The following KLHL28 variants were observed in gnomAD, a reference collection of about 807,000 sequenced individuals.
The protein encoded by KLHL28 is kelch like family member 28, also known as kelch-like protein 28.
Under a neutral mutation model 48.3 loss-of-function variants are expected in KLHL28, and 22 were observed. The observed-to-expected ratio is 0.46, with a 90% CI of 0.33 to 0.65. KLHL28 has a LOEUF of 0.65. KLHL28 is among the 30% of genes least tolerant of loss of function. The pLI is 0.03. For synonymous variants in KLHL28, 243 were observed against 242.4 expected (o/e 1.00, Z -0.02); for missense variants, 527 against 704.3 (o/e 0.75, Z 2.85).
In KLHL28 at chr14:44,928,976, G is replaced by A; in HGVS notation, c.*52C>T. On this transcript the variant is annotated 3_prime_UTR_variant, in exon 5 of 5. Transcript: ENST00000396128. ...TTTCAGAAAACTGGGCCATCCGGATGTTCATGCAGTACAAGTTTCACCACC... is the reference window on the plus strand; with the variant it reads ...TTTCAGAAAACTGGGCCATCCGGATATTCATGCAGTACAAGTTTCACCACC... The A allele has an allele frequency of 5.2e-6, 8 of 1,553,358 alleles. No individual in the cohort carries two copies. The South Asian group carries it at 8.0e-5, about 16-fold the overall frequency.
chr14:44,948,998 A>C (rs1178286527), intron 1 of KLHL28, among the ~76,000 whole-genome samples: 1 of 152,144 alleles, frequency 6.6e-6, no homozygotes, highest in East Asian at 1.9e-4. Context: ...TGAACAACAG[A>C]AAAGGAAAAT....
At chr14:44,961,498 A>C (rs1031956274) in intron 1 of KLHL28, 1 of 152,200 alleles carries the variant, frequency 6.6e-6, no homozygotes, top group African/African-American at 2.4e-5. Context: ...AAAACAAAAA[A>C]AAATTAACCC....
At chr14:44,948,773 C>T (rs1233868003) in intron 1 of KLHL28, among the ~76,000 whole-genome samples, 1 of 152,186 alleles carries the variant, frequency 6.6e-6, no homozygotes, top group Non-Finnish European at 1.5e-5. Context: ...TAGATTTTGT[C>T]TATAACCTTT....
rs547159815 is a variant in KLHL28, at chr14:44,932,257, T to TG, written c.1344-717dup. 7.3e-4 allele frequency among the ~76,000 whole-genome samples: 59 copies of TG among 80,668 alleles called. 3 individuals carry two copies. The highest frequency in any genetic ancestry group is 2.5e-3 in the African/African-American group (51 of 20,310). 52.9% of individuals were successfully genotyped at this position (80,668 alleles called of 152,430 possible). A position where few individuals can be genotyped will look rare whatever the true frequency, so the allele number is the denominator to read the frequency against. On this transcript the variant is annotated intron_variant, in intron 3 of 4. Transcript: ENST00000396128. ...AGAAGAGGAAGAGAGGGGTGGGGGG[T>TG]GGGGAGAAAAACCTTTATTTTTTTT...
chr14:44,953,436 A>T (rs1260865253), intron 1 of KLHL28, among the ~76,000 whole-genome samples: 2 of 152,254 alleles, frequency 1.3e-5, no homozygotes, highest in Non-Finnish European at 2.9e-5. Context: ...GGTAACTGGC[A>T]GAGTCCTTAT....
At chr14:44,952,628 G>A (rs774140753) in intron 1 of KLHL28, among the ~76,000 whole-genome samples, 3 of 152,104 alleles carry the variant, frequency 2.0e-5, no homozygotes, top group Non-Finnish European at 2.9e-5. Context: ...CAAACTCCTA[G>A]GCTCAAGTGA....
intron 2 of KLHL28, among the ~76,000 whole-genome samples, chr14:44,935,409 T>C (rs1355673574): frequency 2.0e-5 from 3 of 152,182 alleles, no homozygotes; most frequent in Non-Finnish European, 4.4e-5. Flanking sequence ...ATTTGGGATT[T>C]GTACATTTTT....
At chr14:44,938,403 G>C (rs965223750) in intron 2 of KLHL28, among the ~76,000 whole-genome samples, 3 of 151,370 alleles carry the variant, frequency 2.0e-5, no homozygotes, top group Non-Finnish European at 4.4e-5. Context: ...ACTGAGTCTC[G>C]CTCTATCGCC....
chr14:44,939,239 C>G (rs1883970512), intron 2 of KLHL28, among the ~76,000 whole-genome samples: 1 of 152,112 alleles, frequency 6.6e-6, no homozygotes, highest in Non-Finnish European at 1.5e-5. Flanking sequence ...GCTGATTCCC[C>G]CAAACCATTC....
rs1384906520 is a variant in KLHL28, at chr14:44,961,905, T to G, written c.-60A>C. The G allele has an allele frequency of 1.3e-5, 2 of 153,044 alleles. No individual in the cohort carries two copies. The highest frequency in any genetic ancestry group is 2.4e-5 in the African/African-American group (1 of 41,472). 9.5% of individuals were successfully genotyped at this position (153,044 alleles called of 1,614,324 possible). Reference sequence around the variant, plus strand: ...GGAGGAACCGCGGACAACTGGAGCCTGGGCTGGATCCTCACTAGCTCCGGT... The same window carrying G: ...GGAGGAACCGCGGACAACTGGAGCCGGGGCTGGATCCTCACTAGCTCCGGT... On this transcript the variant is annotated 5_prime_UTR_variant, in exon 1 of 5. Transcript: ENST00000396128.
intron 2 of KLHL28, among the ~76,000 whole-genome samples, chr14:44,935,341 A>G (rs981102853): frequency 1.3e-5 from 2 of 152,008 alleles, no homozygotes; most frequent in Admixed American, 1.3e-4. Context: ...TGTTGGTCAT[A>G]CTCTGTTTCT....
intron 3 of KLHL28, 35 bp from the exon 4 acceptor site, chr14:44,931,576 C>T: frequency 2.0e-6 from 3 of 1,525,398 alleles, no homozygotes; most frequent in Non-Finnish European, 2.7e-6. Flanking sequence ...ATTTACAGAT[C>T]TTTTGTGTCA....
intron 2 of KLHL28, 61 bp from the exon 3 acceptor site, chr14:44,934,619 A>G: frequency 7.9e-7 from 1 of 1,260,224 alleles, no homozygotes; most frequent in Non-Finnish European, 1.1e-6. Flanking sequence ...AAAGACAGAT[A>G]TGTTTAATCT....
chr14:44,929,944 A>T (rs557121670), intron 4 of KLHL28, among the ~76,000 whole-genome samples: 3 of 152,228 alleles, frequency 2.0e-5, no homozygotes, highest in East Asian at 1.9e-4. Flanking sequence ...ATTTTTTTTT[A>T]ATTTCATTTC....
At chr14:44,961,186 C>T (rs1424045048) in intron 1 of KLHL28, 1 of 311,326 alleles carries the variant, frequency 3.2e-6, no homozygotes. Flanking sequence ...CTCTTAGAAC[C>T]ATGATGCCAA....
intron 1 of KLHL28, among the ~76,000 whole-genome samples, chr14:44,958,519 T>C (rs556793080): frequency 6.6e-6 from 1 of 152,286 alleles, no homozygotes; most frequent in East Asian, 1.9e-4. Context: ...TCAACTTTCC[T>C]CATAGGATAA....
intron 1 of KLHL28, among the ~76,000 whole-genome samples, chr14:44,956,630 T>C (rs568429356): frequency 6.6e-6 from 1 of 152,114 alleles, no homozygotes; most frequent in Non-Finnish European, 1.5e-5. Context: ...CTTCAACAAA[T>C]AAACTGCAAG....
chr14:44,958,878 T>C (rs904311091), intron 1 of KLHL28, among the ~76,000 whole-genome samples: 1 of 152,092 alleles, frequency 6.6e-6, no homozygotes, highest in African/African-American at 2.4e-5. Context: ...ACATAATGGC[T>C]TTGGAAGATA....
In KLHL28 at chr14:44,929,052, G is replaced by A. The variant is rs908477195; in HGVS notation, c.1692C>T (p.Cys564=). ...LDSAGMIYCR[C]NFGLTAL ...GTCAAAGTGCAGTTAACCCAAAGTT[G>A]CAGCGACAGTATATCATGCCAGCTG... The change falls in exon 5 of 5, where the codon TGC becomes TGT. Residue 564 remains cysteine, a synonymous_variant. Coordinates refer to ENST00000396128, the MANE Select transcript of KLHL28 (RefSeq NM_017658.5). The A allele has an allele frequency of 6.2e-7, 1 of 1,613,830 alleles. No individual in the cohort carries two copies.
Sources: gnomAD v4.1 joint callset for allele counts (sites outside exome capture counted in the v4.1 genomes callset) on GRCh38, gnomAD v4.1.1 for gene constraint, MANE v1.5 for transcripts, NCBI Gene and HGNC (gene_info 2026-07-23, HGNC 2026-07-21) for gene names.